The following ARHGEF7 variants were observed in gnomAD, a reference collection of about 807,000 sequenced individuals.
The protein encoded by ARHGEF7 is Rho guanine nucleotide exchange factor 7.
In ARHGEF7, 33 loss-of-function variants were observed where a neutral mutation model predicts 109.8. The observed-to-expected ratio is 0.30, with a 90% CI of 0.23 to 0.40. The LOEUF (loss-of-function observed/expected upper bound fraction) is 0.40. Ranked by LOEUF, ARHGEF7 falls within the 10% of genes least tolerant of loss-of-function variation. ARHGEF7 has a pLI of 1.00. For synonymous variants in ARHGEF7, 458 were observed against 424.6 expected (o/e 1.08, Z -0.97); for missense variants, 938 against 1,098.5 (o/e 0.85, Z 2.07).
chr13:111,301,552 T>C lies in ARHGEF7; in HGVS notation c.2466+20T>C, dbSNP rs755525128. ...AGACAGGTACGTCATAATCCATCTT[T>C]AAATCTTTTTTTTCTTTTCAAATGG... On this transcript the variant is annotated intron_variant, in intron 21 of 21. Transcript: ENST00000646102. The C allele has an allele frequency of 5.4e-5, 86 of 1,587,302 alleles. No individual in the cohort carries two copies. The highest frequency in any genetic ancestry group is 6.9e-5 in the Non-Finnish European group (80 of 1,159,402).
Position 111,275,648 on chromosome 13 carries a change from C to T in ARHGEF7, c.1389C>T (p.Ser463=). The T allele has an allele frequency of 6.2e-7, 1 of 1,614,128 alleles. No homozygotes were observed. The highest frequency in any genetic ancestry group is 1.1e-5 in the South Asian group (1 of 91,078). Residue 463 remains serine (S), a synonymous_variant, in exon 12 of 22, where the codon TCC becomes TCT. Coordinates refer to ENST00000646102, the MANE Select transcript of ARHGEF7 (RefSeq NM_001354046.2). ...IKTLGNVTYM[S]QVLIQCAGSE... ...CTCTGGGCAACGTCACTTACATGTC[C>T]CAGGTCCTGATTCAGTGTGCCGGAA...
chr13:111,153,640 G>A (rs749378569), intron 1 of ARHGEF7: 21 of 1,209,520 alleles, frequency 1.7e-5, no homozygotes, highest in Non-Finnish European at 2.2e-5. Context: ...CGCGGTCTGA[G>A]GACGTCACTT....
intron 2 of ARHGEF7, among the ~76,000 whole-genome samples, chr13:111,191,124 C>T (rs1420109311): frequency 6.6e-6 from 1 of 152,052 alleles, no homozygotes; most frequent in Non-Finnish European, 1.5e-5. Context: ...TTTGCCATTA[C>T]AAAACCTGGA....
intron 20 of ARHGEF7, 137 bp from the exon 21 acceptor site, chr13:111,301,341 G>A (rs1337334409): frequency 5.8e-6 from 4 of 692,836 alleles, no homozygotes; most frequent in Non-Finnish European, 9.9e-6. Context: ...TTTTAGTTGT[G>A]AATGTAGACA....
At chr13:111,267,453 G>A in intron 8 of ARHGEF7, 95 bp from the exon 9 acceptor site, 1 of 1,512,226 alleles carries the variant, frequency 6.6e-7, no homozygotes, top group South Asian at 1.2e-5. Flanking sequence ...TGCAGAGGGA[G>A]GTTTTCCTTA....
intron 5 of ARHGEF7, among the ~76,000 whole-genome samples, chr13:111,226,791 C>T (rs918874681): frequency 2.0e-5 from 3 of 152,134 alleles, no homozygotes; most frequent in African/African-American, 7.2e-5. Context: ...TTTGTAAGGC[C>T]ATAAATAGTG....
In ARHGEF7 at chr13:111,272,135, A is replaced by G. The variant is rs563150789; in HGVS notation, c.1074-1679A>G. On this transcript the variant is annotated intron_variant, in intron 9 of 21. Coordinates refer to ENST00000646102, the MANE Select transcript of ARHGEF7 (RefSeq NM_001354046.2). This position sits in a 1 kb window ranked among gnomAD's most constrained non-coding sequence, Gnocchi z 5.2. ...GTTTGAATCGGTTTCATTGGAGGAC[A>G]TTCTCCCTGGCTGCCCTGGCAGGGG... 1.3e-5 allele frequency among the ~76,000 whole-genome samples: 2 copies of G among 152,316 alleles called. No homozygotes were observed. Among genetic ancestry groups the G allele is most frequent in the African/African-American group, 2.4e-5 (1 of 41,566 alleles).
chr13:111,173,913 C>T (rs532312784), intron 2 of ARHGEF7, among the ~76,000 whole-genome samples: 1 of 152,250 alleles, frequency 6.6e-6, no homozygotes, highest in Admixed American at 6.5e-5. Context: ...GTTTGCATTG[C>T]ACTGACTGGG....
At chr13:111,171,679 G>C (rs2077605414) in intron 2 of ARHGEF7, among the ~76,000 whole-genome samples, 1 of 152,154 alleles carries the variant, frequency 6.6e-6, no homozygotes, top group Non-Finnish European at 1.5e-5. Context: ...GTTAAAGTTT[G>C]ATTTCAAGAG....
chr13:111,230,524 C>G (rs374301792), intron 5 of ARHGEF7, among the ~76,000 whole-genome samples: 1 of 152,174 alleles, frequency 6.6e-6, no homozygotes, highest in African/African-American at 2.4e-5. Context: ...CTGGCGTGAC[C>G]GCCCCAGGAG....
chr13:111,258,087 C>T lies in ARHGEF7; in HGVS notation c.951-9461C>T, dbSNP rs1204557851. On this transcript the variant is annotated intron_variant, in intron 8 of 21. Coordinates refer to ENST00000646102, the MANE Select transcript of ARHGEF7 (RefSeq NM_001354046.2). This position sits in a 1 kb window ranked among gnomAD's most constrained non-coding sequence, Gnocchi z 4.4. ...GCCTGCAACCTAGTGAGACCTCAGCCGGGGCAGCCAAGGGAGGCCTTGCAC... is the reference window on the plus strand; with the variant it reads ...GCCTGCAACCTAGTGAGACCTCAGCTGGGGCAGCCAAGGGAGGCCTTGCAC... 6.6e-6 allele frequency among the ~76,000 whole-genome samples: 1 copy of T among 152,206 alleles called. No individual in the cohort carries two copies. The highest frequency in any genetic ancestry group is 1.5e-5 in the Non-Finnish European group (1 of 68,028).
intron 8 of ARHGEF7, among the ~76,000 whole-genome samples, chr13:111,256,253 A>G (rs749115474): frequency 6.6e-6 from 1 of 152,262 alleles, no homozygotes; most frequent in Non-Finnish European, 1.5e-5. Context: ...CCAAACGTTC[A>G]GGAAAGAAAC....
At chr13:111,289,474 C>T (rs1595564423) in intron 18 of ARHGEF7, among the ~76,000 whole-genome samples, 1 of 152,226 alleles carries the variant, frequency 6.6e-6, no homozygotes, top group East Asian at 1.9e-4. Flanking sequence ...GCACGTGCTG[C>T]TGGGGCCTCG....
intron 8 of ARHGEF7, chr13:111,265,788 G>C (rs2091576390): frequency 2.2e-6 from 1 of 452,646 alleles, no homozygotes; most frequent in African/African-American, 2.0e-5. Context: ...AGCTGTGAGG[G>C]AGCTGTTTTG....
At chr13:111,283,398 C>T (rs1307628456) in intron 16 of ARHGEF7, 35 bp downstream of exon 16, 40 of 1,533,340 alleles carry the variant, frequency 2.6e-5, no homozygotes, top group Admixed American at 1.8e-4. Flanking sequence ...AGCCAGATGA[C>T]GGTGAGCATG....
chr13:111,283,160 C>G lies in ARHGEF7; in HGVS notation c.1747C>G (p.Pro583Ala), dbSNP rs1226196791. The change falls in exon 16 of 22, where the codon CCG (proline) becomes GCG (alanine). Residue 583 changes from proline (P) to alanine (A), a missense_variant. Transcript: ENST00000646102. The part of the protein sequence containing the change: ...SHTLPSHPVT[P>A]SSKHADSKPA... Reference sequence around the variant, plus strand: ...GCAGCTCCCCTCCCACCCGGTCACTCCGTCCAGCAAGCACGCAGACAGCAA... The same window carrying G: ...GCAGCTCCCCTCCCACCCGGTCACTGCGTCCAGCAAGCACGCAGACAGCAA... 9 of 1,592,540 alleles carry G rather than the reference C, an allele frequency of 5.7e-6. No individual in the cohort carries two copies. Among genetic ancestry groups the G allele is most frequent in the East Asian group, 2.3e-5 (1 of 44,068 alleles).
chr13:111,192,683 G>T (rs1006549317), intron 2 of ARHGEF7, among the ~76,000 whole-genome samples: 1 of 152,154 alleles, frequency 6.6e-6, no homozygotes, highest in Non-Finnish European at 1.5e-5. Context: ...GCCTCCAGGC[G>T]CAGTGAAGGT....
At chr13:111,203,106 G>A in intron 2 of ARHGEF7, 2 of 1,281,484 alleles carry the variant, frequency 1.6e-6, no homozygotes, top group South Asian at 2.5e-5. Flanking sequence ...TTGCTGCCTT[G>A]CCACTATGAA....
At chr13:111,243,017 G>A (rs7335121) in intron 6 of ARHGEF7, among the ~76,000 whole-genome samples, 85,311 of 152,086 alleles carry the variant, frequency 0.56, 24,278 homozygotes, top group South Asian at 0.6. Context: ...TGCTACACTA[G>A]TACAGGGTAT....
Sources: allele counts gnomAD v4.1 joint callset (sites outside exome capture counted in the v4.1 genomes callset), GRCh38; gene constraint gnomAD v4.1.1; non-coding constraint Gnocchi (gnomAD v3.1); transcripts MANE v1.5; gene names NCBI Gene and HGNC (gene_info 2026-07-23, HGNC 2026-07-21).